AGFG1: variants seen among roughly 807,000 people sequenced by gnomAD.
AGFG1 encodes arf-GAP domain and FG repeat-containing protein 1.
Under a neutral mutation model 60.6 loss-of-function variants are expected in AGFG1, and 10 were observed. The observed-to-expected ratio is 0.16, with a 90% confidence interval of 0.10 to 0.28. The LOEUF is 0.28. Ranked by LOEUF, AGFG1 falls within the 10% of genes least tolerant of loss-of-function variation. The pLI is 1.00. For synonymous variants in AGFG1, 247 were observed against 242.9 expected (o/e 1.02, Z -0.16); for missense variants, 537 against 676.5 (o/e 0.79, Z 2.29).
intron 2 of AGFG1, among the ~76,000 whole-genome samples, chr2:227,513,042 A>G (rs920174400): frequency 1.9e-4 from 29 of 152,318 alleles, no homozygotes; most frequent in Non-Finnish European, 3.8e-4. Context: ...TTTTTATGAA[A>G]ATAAGGTTTT....
chr2:227,532,194 C>G (rs940499094), intron 6 of AGFG1: 7 of 1,548,232 alleles, frequency 4.5e-6, no homozygotes, highest in African/African-American at 1.4e-5. Flanking sequence ...AGCTTTTCCT[C>G]TTCAGGCTAC....
At chr2:227,472,650 G>C (rs1210365897) in intron 1 of AGFG1, 62 bp downstream of exon 1, 1 of 1,507,882 alleles carries the variant, frequency 6.6e-7, no homozygotes, top group Non-Finnish European at 8.9e-7. Context: ...AGCGGGCGGC[G>C]GGACCGGGAC....
intron 2 of AGFG1, among the ~76,000 whole-genome samples, chr2:227,494,103 A>G (rs565450984): frequency 6.6e-6 from 1 of 152,332 alleles, no homozygotes; most frequent in African/African-American, 2.4e-5. Context: ...TTAGAACCAA[A>G]ATAATGGACA....
chr2:227,532,630 T>C (rs1383434123), intron 6 of AGFG1, among the ~76,000 whole-genome samples: 3 of 152,160 alleles, frequency 2.0e-5, no homozygotes, highest in Non-Finnish European at 4.4e-5. Context: ...TAATAGAAGT[T>C]CATGCATTCT....
rs564913984 is a variant in AGFG1 at position 227,510,521 on chromosome 2, T to C, written c.262-9427T>C. The stretch of plus-strand genomic sequence containing the variant: ...TAGTATGAGAAGCAAAATGATAAAC[T>C]ATGTCTTGGTGGAGGGGTGAGTTGA... On this transcript the variant is annotated intron_variant, in intron 2 of 12. Coordinates refer to ENST00000310078, the MANE Select transcript of AGFG1 (RefSeq NM_004504.5). Among the ~76,000 whole-genome samples, 7 of 151,888 alleles carry C rather than the reference T, an allele frequency of 4.6e-5. No individual in the cohort carries two copies. In the South Asian group the frequency reaches 1.5e-3, roughly 32 times the overall value.
At chr2:227,531,000 A>G in intron 5 of AGFG1, 91 bp from the exon 6 acceptor site, 16 of 1,196,584 alleles carry the variant, frequency 1.3e-5, no homozygotes, top group Non-Finnish European at 1.8e-5. Context: ...ATACATAGAA[A>G]CTTTTCATAT....
chr2:227,539,066 G>A (rs146521593), intron 10 of AGFG1, among the ~76,000 whole-genome samples: 49 of 152,190 alleles, frequency 3.2e-4, no homozygotes, highest in African/African-American at 3.1e-4. Context: ...ACAATACTTC[G>A]ACAGATGCAC....
intron 2 of AGFG1, among the ~76,000 whole-genome samples, chr2:227,499,008 TAGA>T (rs1432100681): frequency 6.6e-6 from 1 of 151,252 alleles, no homozygotes; most frequent in Non-Finnish European, 1.5e-5. Flanking sequence ...TTCATGCCTT[TAGA>T]CAAGTAGATA....
rs1488524628 is a variant in AGFG1 at position 227,554,509 on chromosome 2, A to G, written c.*14A>G. The G allele has an allele frequency of 2.5e-6, 4 of 1,608,092 alleles. No individual in the cohort carries two copies. Among genetic ancestry groups the G allele is most frequent in the Admixed American group, 1.7e-5 (1 of 59,244 alleles). On this transcript the variant is annotated 3_prime_UTR_variant, in exon 13 of 13. Transcript: ENST00000310078. ...CCTTTCTTATAGCCTTATATAGACA[A>G]TTTACTGGAACGAACTTTTATGTGG...
intron 10 of AGFG1, among the ~76,000 whole-genome samples, chr2:227,549,124 C>A (rs1473137150): frequency 6.6e-6 from 1 of 151,944 alleles, no homozygotes; most frequent in Non-Finnish European, 1.5e-5. Flanking sequence ...TTATTCTTCA[C>A]AGCAGCTTTG....
At chr2:227,525,209 C>T (rs540325078) in intron 5 of AGFG1, among the ~76,000 whole-genome samples, 1 of 152,256 alleles carries the variant, frequency 6.6e-6, no homozygotes, top group South Asian at 2.1e-4. Context: ...ATTGGATACT[C>T]TAACGTTTAT....
At chr2:227,490,413 C>G (rs1488608759) in intron 1 of AGFG1, among the ~76,000 whole-genome samples, 1 of 151,912 alleles carries the variant, frequency 6.6e-6, no homozygotes, top group Non-Finnish European at 1.5e-5. Flanking sequence ...CCTGTCTCTA[C>G]TAAAAATACA....
At chr2:227,535,417 A>G (rs964557733) in intron 8 of AGFG1, among the ~76,000 whole-genome samples, 1 of 152,212 alleles carries the variant, frequency 6.6e-6, no homozygotes, top group South Asian at 2.1e-4. Context: ...TTAGTTGTAA[A>G]TACAGATTTT....
chr2:227,537,006 G>A lies in AGFG1; in HGVS notation c.1378+13G>A. 1.9e-6 allele frequency: 3 copies of A among 1,607,392 alleles called. No individual in the cohort carries two copies. The highest frequency in any genetic ancestry group is 2.2e-5 in the South Asian group (2 of 90,320). ...AGAGGAGCAACAGGTAAGAAAAAGA[G>A]ACAGTGGAACAGTAAGTTTTGGGGA... On this transcript the variant is annotated intron_variant, in intron 10 of 12. Coordinates refer to ENST00000310078, the MANE Select transcript of AGFG1 (RefSeq NM_004504.5).
intron 10 of AGFG1, among the ~76,000 whole-genome samples, chr2:227,551,678 G>C (rs1272701038): frequency 6.6e-6 from 1 of 152,070 alleles, no homozygotes; most frequent in Non-Finnish European, 1.5e-5. Context: ...GTTTAGACTT[G>C]AATTTATAAT....
intron 1 of AGFG1, among the ~76,000 whole-genome samples, chr2:227,483,389 G>T (rs182887765): frequency 6.6e-6 from 1 of 152,006 alleles, no homozygotes; most frequent in Non-Finnish European, 1.5e-5. Flanking sequence ...TAATTTTTTG[G>T]TATGCAGTTC....
At chr2:227,507,336 T>TA (rs1691349276) in intron 2 of AGFG1, among the ~76,000 whole-genome samples, 2 of 152,004 alleles carry the variant, frequency 1.3e-5, no homozygotes, top group African/African-American at 4.8e-5. Flanking sequence ...TTACAAAAAT[T>TA]ACAACAGTAA....
At chr2:227,494,923 T>C (rs1690932619) in intron 2 of AGFG1, among the ~76,000 whole-genome samples, 1 of 152,174 alleles carries the variant, frequency 6.6e-6, no homozygotes, top group Non-Finnish European at 1.5e-5. Context: ...ATATCTGTAT[T>C]GGTAGCTGTG....
chr2:227,544,053 T>C (rs1182175760), intron 10 of AGFG1, among the ~76,000 whole-genome samples: 1 of 152,182 alleles, frequency 6.6e-6, no homozygotes, highest in African/African-American at 2.4e-5. Flanking sequence ...TCCCTTTATT[T>C]TGAGCCTATG....
Sources: allele counts gnomAD v4.1 joint callset (sites outside exome capture counted in the v4.1 genomes callset), GRCh38; gene constraint gnomAD v4.1.1; transcripts MANE v1.5; gene names NCBI Gene and HGNC (gene_info 2026-07-23, HGNC 2026-07-21).